Variants in ALG8 observed in about 807,000 individuals in gnomAD.
ALG8 encodes dolichyl pyrophosphate Glc1Man9GlcNAc2 alpha-1,3-glucosyltransferase.
Under a neutral mutation model 70.2 loss-of-function variants are expected in ALG8, and 48 were observed. The observed-to-expected ratio is 0.68, with a 90% confidence interval of 0.54 to 0.87. ALG8 has a LOEUF of 0.87. Among genes scored for constraint, ALG8 ranks in the 40% least tolerant of loss-of-function variants. The pLI is 0.00. For synonymous variants in ALG8, 234 were observed against 229.0 expected (o/e 1.02, Z -0.20); for missense variants, 572 against 608.7 (o/e 0.94, Z 0.64).
intron 10 of ALG8, among the ~76,000 whole-genome samples, chr11:78,104,918 C>T (rs491783): frequency 2.6e-5 from 4 of 151,144 alleles, no homozygotes; most frequent in Non-Finnish European, 5.9e-5. Context: ...GAGCCGAGAT[C>T]GCGCCACTGC....
intron 9 of ALG8, among the ~76,000 whole-genome samples, chr11:78,108,048 G>C (rs1156342226): frequency 6.6e-6 from 1 of 151,912 alleles, no homozygotes; most frequent in South Asian, 2.1e-4. Context: ...GGGAGGCCGA[G>C]GTGGGCGGAT....
At chr11:78,109,417 T>C in intron 9 of ALG8, 25 bp downstream of exon 9, 3 of 1,614,056 alleles carry the variant, frequency 1.9e-6, no homozygotes, top group Non-Finnish European at 1.7e-6. Context: ...ACTCAAGAAA[T>C]GAGCACCATC....
chr11:78,107,230 T>TG (rs1860081295), intron 9 of ALG8, among the ~76,000 whole-genome samples: 3 of 143,492 alleles, frequency 2.1e-5, no homozygotes, highest in African/African-American at 5.0e-5. Flanking sequence ...TATAATTTTT[T>TG]GTTTTTTTGA....
chr11:78,126,704 C>T (rs1014670443), intron 2 of ALG8, among the ~76,000 whole-genome samples: 5 of 152,108 alleles, frequency 3.3e-5, no homozygotes, highest in Admixed American at 3.3e-4. Flanking sequence ...AAATAATTCA[C>T]TCCAAATCCT....
At position 78,109,594 on chromosome 11, in the gene ALG8, T is replaced by A. The variant is rs772717043; in HGVS notation, c.899-13A>T. On this transcript the variant is annotated splice_polypyrimidine_tract_variant and intron_variant, in intron 8 of 12. Transcript: ENST00000299626. ...TTCAATTTCAAACCTATTAAACAGA[T>A]ATTTTGTTTTGTTTTATTTTTATCT... 1.2e-6 allele frequency: 2 copies of A among 1,608,796 alleles called. No individual in the cohort carries two copies. Among genetic ancestry groups the A allele is most frequent in the Admixed American group, 1.7e-5 (1 of 60,016 alleles).
chr11:78,105,623 G>C (rs1859988022), intron 10 of ALG8, among the ~76,000 whole-genome samples: 1 of 148,158 alleles, frequency 6.7e-6, no homozygotes. Context: ...AGGCAACATG[G>C]CAAGACCCTG....
In ALG8 at chr11:78,101,140, G is replaced by T. The variant is rs1429272946; in HGVS notation, c.1405C>A (p.Pro469Thr). 2.5e-6 allele frequency: 4 copies of T among 1,614,192 alleles called. 1 individual carries two copies. The South Asian group carries it at 3.3e-5, about 13-fold the overall frequency. ...ACAAATTCACAGCAGACTTCCAGAG[G>T]CCCCAGGCCAAGCAGGTAGAAAGTT... The part of the protein sequence containing the change: ...METFYLLGLG[P>T]LEVCCEFVFP... Residue 469 changes from proline to threonine, a missense_variant, in exon 13 of 13, where the codon CCT becomes ACT. By Grantham distance (38) the Pro-to-Thr change is conservative. Coordinates refer to ENST00000299626, the MANE Select transcript of ALG8 (RefSeq NM_024079.5).
intron 1 of ALG8, among the ~76,000 whole-genome samples, chr11:78,138,207 G>C (rs971792210): frequency 6.6e-6 from 1 of 152,086 alleles, no homozygotes; most frequent in African/African-American, 2.4e-5. Context: ...AAATTAGCCT[G>C]GCGCGGTGGT....
At chr11:78,124,309 A>C (rs1269670944) in intron 2 of ALG8, 95 bp from the exon 3 acceptor site, 1 of 1,303,422 alleles carries the variant, frequency 7.7e-7, no homozygotes, top group Non-Finnish European at 1.1e-6. Context: ...GGTCTTTAAA[A>C]CAGCACAATA....
chr11:78,112,565 C>G, intron 8 of ALG8, 85 bp downstream of exon 8: 1 of 1,586,284 alleles, frequency 6.3e-7, no homozygotes. Flanking sequence ...CAGCCACATT[C>G]AAAACACAAA....
chr11:78,125,816 G>C (rs1270725329), intron 2 of ALG8, among the ~76,000 whole-genome samples: 1 of 151,200 alleles, frequency 6.6e-6, no homozygotes, highest in African/African-American at 2.4e-5. Flanking sequence ...CAAAAGAAAA[G>C]AAAACAAAAC....
Position 78,129,939 on chromosome 11 carries a change from A to C in ALG8, c.96-2503T>G, listed in dbSNP as rs560046369. Among the ~76,000 whole-genome samples, 9 of 152,346 alleles carry C rather than the reference A, an allele frequency of 5.9e-5. No homozygotes were observed. In the South Asian group the frequency reaches 1.9e-3, roughly 32 times the overall value. On this transcript the variant is annotated intron_variant, in intron 1 of 12. Transcript: ENST00000299626. ...ACAACAACGCACAAACTTAATGTTG[A>C]GTGAAAGCCAGACCCAAGAGAATAG...
At chr11:78,108,916 T>A (rs1860161520) in intron 9 of ALG8, among the ~76,000 whole-genome samples, 1 of 152,214 alleles carries the variant, frequency 6.6e-6, no homozygotes, top group South Asian at 2.1e-4. Flanking sequence ...TAATGAAATT[T>A]TAGAAATTAA....
At chr11:78,102,616 T>C (rs1016021555) in intron 12 of ALG8, among the ~76,000 whole-genome samples, 2 of 152,180 alleles carry the variant, frequency 1.3e-5, no homozygotes, top group Non-Finnish European at 2.9e-5. Flanking sequence ...GTTAATTATA[T>C]AAGTTTTTAT....
Position 78,107,133 on chromosome 11 carries a change from GA to G in ALG8, c.1039-188del, listed in dbSNP as rs1239973385. Among the ~76,000 whole-genome samples, 3 of 150,338 alleles carry G rather than the reference GA, an allele frequency of 2.0e-5. No homozygotes were observed. In the South Asian group the frequency reaches 6.3e-4, roughly 31 times the overall value. Reference sequence around the variant, plus strand: ...AAGTTAACATAAAAGCAACAACTCAGAAAAAATTGGCATTTGATGTGTATAT... The same window carrying G: ...AAGTTAACATAAAAGCAACAACTCAGAAAAATTGGCATTTGATGTGTATAT... On this transcript the variant is annotated intron_variant, in intron 9 of 12. Transcript: ENST00000299626.
In ALG8 at chr11:78,120,938, A is replaced by G. The variant is rs889691013; in HGVS notation, c.478+127T>C. 3.4e-6 allele frequency: 3 copies of G among 873,132 alleles called. No homozygotes were observed. In the African/African-American group the frequency reaches 5.0e-5, roughly 15 times the overall value. 54.1% of individuals were successfully genotyped at this position (873,132 alleles called of 1,614,324 possible). On this transcript the variant is annotated intron_variant, in intron 4 of 12. Transcript: ENST00000299626. ...GCAGAGACCACAGTTAAGTGAGCCT[A>G]CTAACCCACCCCACACTCATTTTCA...
chr11:78,133,705 C>G (rs1861410332), intron 1 of ALG8, among the ~76,000 whole-genome samples: 1 of 151,984 alleles, frequency 6.6e-6, no homozygotes, highest in African/African-American at 2.4e-5. Flanking sequence ...TCGAGACCAC[C>G]CTGGCTAACA....
chr11:78,103,829 T>G, intron 12 of ALG8, 151 bp downstream of exon 12: 1 of 518,260 alleles, frequency 1.9e-6, no homozygotes. Flanking sequence ...GTGATGGGAT[T>G]GAGTGATTTC....
rs1323121691 is a variant in ALG8 at position 78,124,188 on chromosome 11, G to A, written c.201C>T (p.Tyr67=). Reference sequence around the variant, plus strand: ...ACTCAAACCATGCAAAGAAAGGGGGGTAATCCAACGTCCACTCTGAAGTTG... The same window carrying A: ...ACTCAAACCATGCAAAGAAAGGGGGATAATCCAACGTCCACTCTGAAGTTG... ...YEATSEWTLD[Y]PPFFAWFEYI... The change falls in exon 3 of 13, where the codon TAC becomes TAT. Residue 67 remains tyrosine, a synonymous_variant. Coordinates refer to ENST00000299626, the MANE Select transcript of ALG8 (RefSeq NM_024079.5). 1.2e-6 allele frequency: 2 copies of A among 1,614,138 alleles called. No homozygotes were observed. The highest frequency in any genetic ancestry group is 1.7e-6 in the Non-Finnish European group (2 of 1,179,996).
Sources: allele counts gnomAD v4.1 joint callset (sites outside exome capture counted in the v4.1 genomes callset), GRCh38; gene constraint gnomAD v4.1.1; transcripts MANE v1.5; gene names NCBI Gene and HGNC (gene_info 2026-07-23, HGNC 2026-07-21).